Variants in LINGO2 observed in about 807,000 individuals in gnomAD.
LINGO2 encodes the protein leucine-rich repeat and immunoglobulin-like domain-containing nogo receptor-interacting protein 2.
A neutral mutation model predicts 30.6 loss-of-function variants in LINGO2; 14 were observed. The observed-to-expected ratio is 0.46, with a 90% CI of 0.30 to 0.72. The LOEUF (loss-of-function observed/expected upper bound fraction) is 0.72. Ranked by LOEUF, LINGO2 falls within the 30% of genes least tolerant of loss-of-function variation. The probability of loss-of-function intolerance (pLI) is 0.07; values close to 1 mark genes in which losing one functional copy is unlikely to be tolerated. For synonymous variants in LINGO2, 317 were observed against 288.5 expected (o/e 1.10, Z -1.00); for missense variants, 729 against 751.7 (o/e 0.97, Z 0.35).
intron 1 of LINGO2, among the ~76,000 whole-genome samples, chr9:28,617,397 G>A (rs1261374762): frequency 6.6e-6 from 1 of 151,598 alleles, no homozygotes; most frequent in South Asian, 2.1e-4. Flanking sequence ...CCAGGTTCAC[G>A]CCATTCTCCT....
At chr9:27,961,420 T>C (rs1191816985) in intron 5 of LINGO2, among the ~76,000 whole-genome samples, 2 of 152,114 alleles carry the variant, frequency 1.3e-5, no homozygotes, top group Non-Finnish European at 2.9e-5. Context: ...GGTACAGACA[T>C]AGCGAATAGT....
chr9:29,016,612 C>A, the LINGO2 span, among the ~76,000 whole-genome samples: 1 of 152,098 alleles, frequency 6.6e-6, no homozygotes, highest in African/African-American at 2.4e-5. Flanking sequence ...AGATTCATAA[C>A]CTGATCACAA....
In LINGO2 at chr9:28,657,515, A is replaced by G. The variant is rs986884282; in HGVS notation, c.-365+12685T>C. ...ATGTTTCTACAAATTTGTCCATTTC[A>G]TTAAGATTATCCAATTTGTTGGCAT... is the stretch of plus-strand genomic sequence containing the variant. On this transcript the variant is annotated intron_variant, in intron 1 of 5. Coordinates refer to ENST00000379992, the Ensembl canonical transcript of LINGO2. Among the ~76,000 whole-genome samples, 4 of 151,974 alleles carry G rather than the reference A, an allele frequency of 2.6e-5. No homozygotes were observed. In the East Asian group the frequency reaches 7.7e-4, roughly 29 times the overall value.
chr9:28,527,120 T>C (rs1055334333), intron 1 of LINGO2, among the ~76,000 whole-genome samples: 1 of 152,156 alleles, frequency 6.6e-6, no homozygotes, highest in East Asian at 1.9e-4. Context: ...ATTCCAGCTA[T>C]CAAAAGAACG....
upstream of LINGO2, among the ~76,000 whole-genome samples, chr9:28,673,142 A>T (rs1367869047): frequency 6.6e-6 from 1 of 152,262 alleles, no homozygotes; most frequent in East Asian, 1.9e-4. Flanking sequence ...CTAAGTAGAA[A>T]TTCCTTCAGA....
At chr9:29,188,706 A>ACCC in the LINGO2 span, among the ~76,000 whole-genome samples, 5 of 135,332 alleles carry the variant, frequency 3.7e-5, no homozygotes, top group South Asian at 2.3e-4. Context: ...CGGGGGGCTG[A>ACCC]CCCCCCCACC....
chr9:28,456,174 G>A (rs1359967843), intron 2 of LINGO2, among the ~76,000 whole-genome samples: 1 of 152,094 alleles, frequency 6.6e-6, no homozygotes, highest in East Asian at 1.9e-4. Context: ...CTTTATTGAG[G>A]TAAGTGCTAT....
chr9:28,002,556 C>T (rs1822015291), intron 5 of LINGO2, among the ~76,000 whole-genome samples: 2 of 152,126 alleles, frequency 1.3e-5, no homozygotes, highest in Admixed American at 6.5e-5. Context: ...TCATGCTGTG[C>T]CACATAATTT....
At chr9:29,205,335 G>A in the LINGO2 span, among the ~76,000 whole-genome samples, 6 of 152,052 alleles carry the variant, frequency 3.9e-5, no homozygotes, top group Non-Finnish European at 7.4e-5. Flanking sequence ...CACCATGCTT[G>A]GCCAGTTTTT....
chr9:28,506,419 T>C (rs1195807542), intron 1 of LINGO2, among the ~76,000 whole-genome samples: 44 of 3,342 alleles, frequency 0.013, 1 homozygote, highest in African/African-American at 0.019. Context: ...TATATATATA[T>C]ATACACACAC....
the LINGO2 span, among the ~76,000 whole-genome samples, chr9:28,922,140 A>G: frequency 6.6e-6 from 1 of 152,166 alleles, no homozygotes; most frequent in African/African-American, 2.4e-5. Flanking sequence ...CTATTTCTCA[A>G]GTTACCCAAT....
At chr9:28,700,076 A>G in the LINGO2 span, among the ~76,000 whole-genome samples, 1 of 151,884 alleles carries the variant, frequency 6.6e-6, no homozygotes, top group African/African-American at 2.4e-5. Flanking sequence ...ACCTACTCCT[A>G]CCCTTTTGAA....
rs369390495 is a variant in LINGO2 at position 28,004,985 on chromosome 9, T to A, written c.-36+7370A>T. The stretch of plus-strand genomic sequence containing the variant: ...AGTAATGAACATGGGAGGCTTTTTC[T>A]TAGACATATGCAGCGAGGCTGCCTT... On this transcript the variant is annotated intron_variant, in intron 5 of 5. Coordinates refer to ENST00000379992, the Ensembl canonical transcript of LINGO2. Among the ~76,000 whole-genome samples, 82 of 152,324 alleles carry A rather than the reference T, an allele frequency of 5.4e-4. 1 individual carries two copies. In the South Asian group the frequency reaches 0.017, roughly 31 times the overall value.
chr9:27,958,065 A>G (rs78157709), intron 5 of LINGO2, among the ~76,000 whole-genome samples: 5,866 of 152,174 alleles, frequency 0.039, 339 homozygotes, highest in African/African-American at 0.13. Context: ...TTTCACCATT[A>G]AGTTTGATGT....
chr9:28,054,930 T>C (rs111938450), intron 4 of LINGO2, among the ~76,000 whole-genome samples: 2 of 152,126 alleles, frequency 1.3e-5, no homozygotes, highest in Non-Finnish European at 2.9e-5. Context: ...TGCCTCATAC[T>C]ACAAAGCTAC....
intron 4 of LINGO2, among the ~76,000 whole-genome samples, chr9:28,118,317 C>A (rs766801779): frequency 6.6e-6 from 1 of 152,146 alleles, no homozygotes; most frequent in Non-Finnish European, 1.5e-5. Flanking sequence ...GCCTGTCTTA[C>A]TTCTAAATGA....
intron 1 of LINGO2, among the ~76,000 whole-genome samples, chr9:28,666,144 G>A (rs1828793235): frequency 6.6e-6 from 1 of 151,938 alleles, no homozygotes; most frequent in African/African-American, 2.4e-5. Flanking sequence ...GACCCTCCTC[G>A]GCCTCCCAAA....
the LINGO2 span, among the ~76,000 whole-genome samples, chr9:28,824,926 T>C: frequency 6.6e-6 from 1 of 152,124 alleles, no homozygotes; most frequent in African/African-American, 2.4e-5. Flanking sequence ...TCTTTAGTTT[T>C]CAAAGAAAAT....
At chr9:28,748,472 T>A in the LINGO2 span, among the ~76,000 whole-genome samples, 1 of 152,024 alleles carries the variant, frequency 6.6e-6, no homozygotes, top group Non-Finnish European at 1.5e-5. Context: ...TCAAAACAAC[T>A]AACCATTGTT....
Sources: gnomAD v4.1 joint callset for allele counts (sites outside exome capture counted in the v4.1 genomes callset) on GRCh38, gnomAD v4.1.1 for gene constraint, MANE v1.5 for transcripts, NCBI Gene and HGNC (gene_info 2026-07-23, HGNC 2026-07-21) for gene names.